Variants in GEMIN5 observed in about 807,000 individuals in gnomAD.
The protein encoded by GEMIN5 is gem-associated protein 5.
A neutral mutation model predicts 176.9 loss-of-function variants in GEMIN5; 124 were observed. The ratio of observed to expected loss-of-function variants is 0.70; its 90% CI spans 0.61 to 0.81. GEMIN5 has a LOEUF of 0.81. Among genes scored for constraint, GEMIN5 ranks in the 40% least tolerant of loss-of-function variants. The probability of loss-of-function intolerance (pLI) is 0.00; values close to 1 mark genes in which losing one functional copy is unlikely to be tolerated. For synonymous variants in GEMIN5, 673 were observed against 665.2 expected (o/e 1.01, Z -0.18); for missense variants, 1,843 against 1,814.6 (o/e 1.02, Z -0.28).
chr5:154,929,443 G>T (rs1428294888), intron 5 of GEMIN5, among the ~76,000 whole-genome samples: 2 of 152,214 alleles, frequency 1.3e-5, no homozygotes, highest in African/African-American at 4.8e-5. Context: ...ACCTCCACCC[G>T]ACATGCTTCT....
chr5:154,902,257 T>C (rs1033893670), intron 20 of GEMIN5, among the ~76,000 whole-genome samples: 1 of 152,234 alleles, frequency 6.6e-6, no homozygotes, highest in African/African-American at 2.4e-5. Flanking sequence ...AGCTGGGGAC[T>C]ACAGACTTGT....
intron 4 of GEMIN5, chr5:154,931,790 G>A (rs1764170948): frequency 3.9e-6 from 2 of 506,800 alleles, no homozygotes; most frequent in African/African-American, 3.8e-5. Context: ...TGAGGCAGGT[G>A]GATCACCTGA....
rs1307247259 is a variant in GEMIN5 at position 154,928,168 on chromosome 5, G to A, written c.914+359C>T. On this transcript the variant is annotated intron_variant, in intron 6 of 27. Transcript: ENST00000285873. ...AGTCAATGAACTTTGTTTACTGAAT[G>A]GGCATAGCCATCCAACCTAAGAGAA... Among the ~76,000 whole-genome samples the A allele has an allele frequency of 3.3e-5, 5 of 152,108 alleles. No individual in the cohort carries two copies. The South Asian group carries it at 8.3e-4, about 25-fold the overall frequency.
rs754372505 is a variant in GEMIN5, at chr5:154,927,500, G to A, written c.965C>T (p.Thr322Ile). 7 of 1,610,354 alleles carry A rather than the reference G, an allele frequency of 4.3e-6. No homozygotes were observed. The Admixed American group carries it at 1.2e-4, about 27-fold the overall frequency. Residue 322 changes from threonine to isoleucine, a missense_variant, in exon 7 of 28, where the codon ACC (threonine) becomes ATC (isoleucine). Transcript: ENST00000285873. ...DLTQSWRRKY[T>I]LFSASSEGQN... Reference sequence around the variant, plus strand: ...CCCTTCTGATGAGGCACTGAAGAGGGTGTATTTCCGTCTCCAAGATTGAGT... The same window carrying A: ...CCCTTCTGATGAGGCACTGAAGAGGATGTATTTCCGTCTCCAAGATTGAGT...
intron 3 of GEMIN5, among the ~76,000 whole-genome samples, chr5:154,934,141 G>C (rs1469421447): frequency 6.6e-6 from 1 of 151,938 alleles, no homozygotes; most frequent in Admixed American, 6.6e-5. Flanking sequence ...TCACCCTCCT[G>C]AGTAGCTGGG....
chr5:154,892,698 C>T (rs1038210812), intron 24 of GEMIN5, 149 bp from the exon 25 acceptor site: 14 of 700,176 alleles, frequency 2.0e-5, no homozygotes, highest in African/African-American at 5.4e-5. Flanking sequence ...CCCATTTTTG[C>T]TTCCCACATC....
intron 15 of GEMIN5, among the ~76,000 whole-genome samples, chr5:154,909,723 A>G (rs147765525): frequency 0.01 from 1,564 of 152,234 alleles, 20 homozygotes; most frequent in African/African-American, 0.034. Flanking sequence ...TCATGCCTAT[A>G]ATCCCAGCAC....
chr5:154,923,947 C>T (rs1000722574), intron 9 of GEMIN5, among the ~76,000 whole-genome samples: 1 of 152,066 alleles, frequency 6.6e-6, no homozygotes, highest in Non-Finnish European at 1.5e-5. Flanking sequence ...CAAAGATGAA[C>T]TGTATATGTA....
At position 154,911,756 on chromosome 5, in the gene GEMIN5, G is replaced by C. The variant is rs780603166; in HGVS notation, c.2138C>G (p.Ser713Cys). Reference protein sequence around the residue: ...DDFCVHKWLTSMQDHSRPPQG... With the variant: ...DDFCVHKWLTCMQDHSRPPQG... Reference sequence around the variant, plus strand: ...AGGAGGCCGGGAATGATCTTGCATGGAAGTGAGCCACTTGTGCACACAAAA... The same window carrying C: ...AGGAGGCCGGGAATGATCTTGCATGCAAGTGAGCCACTTGTGCACACAAAA... Residue 713 changes from serine to cysteine, a missense_variant, in exon 15 of 28, where the codon TCC (serine) becomes TGC (cysteine). By Grantham distance (112) the Ser-to-Cys change is moderately radical. Coordinates refer to ENST00000285873, the MANE Select transcript of GEMIN5 (RefSeq NM_015465.5). The C allele has an allele frequency of 2.5e-6, 4 of 1,613,940 alleles. No individual in the cohort carries two copies. Among genetic ancestry groups the C allele is most frequent in the Non-Finnish European group, 3.4e-6 (4 of 1,179,824 alleles).
In GEMIN5 at chr5:154,919,998, T is replaced by C. The variant is rs368304207; in HGVS notation, c.1568A>G (p.Asn523Ser). 16 of 1,613,676 alleles carry C rather than the reference T, an allele frequency of 9.9e-6. No individual in the cohort carries two copies. In the East Asian group the frequency reaches 1.8e-4, roughly 18 times the overall value. The change falls in exon 11 of 28, where the codon AAC becomes AGC. Residue 523 changes from asparagine to serine, a missense_variant. Coordinates refer to ENST00000285873, the MANE Select transcript of GEMIN5 (RefSeq NM_015465.5). ...TGAATTGGTGTCCCTGATGAGTTTG[T>C]TGATGTCAAAGGCTTCTCCACTAAG... Reference protein sequence around the residue: ...WKLSGEAFDINKLIRDTNSIK... With the variant: ...WKLSGEAFDISKLIRDTNSIK...
chr5:154,911,729 T>A lies in GEMIN5; in HGVS notation c.2165A>T (p.Gln722Leu). ...TSMQDHSRPP[Q>L]GKKSIELEKK... Reference sequence around the variant, plus strand: ...ATAAGCTCTAGGTTCTGACTGACCTTGAGGAGGCCGGGAATGATCTTGCAT... The same window carrying A: ...ATAAGCTCTAGGTTCTGACTGACCTAGAGGAGGCCGGGAATGATCTTGCAT... The change falls in exon 15 of 28, where the codon CAA becomes CTA. Residue 722 changes from glutamine to leucine, a missense_variant and splice_region_variant. Coordinates refer to ENST00000285873, the MANE Select transcript of GEMIN5 (RefSeq NM_015465.5). 1 of 1,612,304 alleles carries A rather than the reference T, an allele frequency of 6.2e-7. No individual in the cohort carries two copies. The highest frequency in any genetic ancestry group is 1.1e-5 in the South Asian group (1 of 90,942).
chr5:154,898,705 T>G, intron 22 of GEMIN5, 55 bp from the exon 23 acceptor site: 1 of 1,336,510 alleles, frequency 7.5e-7, no homozygotes, highest in South Asian at 1.2e-5. Flanking sequence ...TTTATTCCCA[T>G]TCCTAGAGGA....
intron 24 of GEMIN5, among the ~76,000 whole-genome samples, chr5:154,894,640 C>A (rs377477428): frequency 6.6e-5 from 10 of 152,236 alleles, no homozygotes; most frequent in African/African-American, 2.4e-4. Flanking sequence ...GCTGCAGTGG[C>A]TCATGCCTAT....
At chr5:154,913,523 A>AT (rs1763749315) in intron 13 of GEMIN5, among the ~76,000 whole-genome samples, 2 of 152,266 alleles carry the variant, frequency 1.3e-5, no homozygotes, top group South Asian at 4.1e-4. Context: ...GTCACATAAG[A>AT]TTTTAAAAAG....
chr5:154,931,512 C>G lies in GEMIN5; in HGVS notation c.727G>C (p.Ala243Pro). The G allele has an allele frequency of 6.2e-7, 1 of 1,613,052 alleles. No individual in the cohort carries two copies. Among genetic ancestry groups the G allele is most frequent in the Non-Finnish European group, 8.5e-7 (1 of 1,179,062 alleles). The change falls in exon 5 of 28, where the codon GCC (alanine) becomes CCC (proline). Residue 243 changes from alanine to proline, a missense_variant. Transcript: ENST00000285873. ...QAPVTKGCYL[A>P]TGSKDQTIRI... ...ATGGTTTGATCTTTGCTTCCAGTGG[C>G]TAAGTAGCAACCTTTTGTTACTGGA... is the stretch of plus-strand genomic sequence containing the variant.
intron 3 of GEMIN5, among the ~76,000 whole-genome samples, chr5:154,934,641 G>A (rs762575579): frequency 1.4e-4 from 21 of 152,030 alleles, no homozygotes; most frequent in Non-Finnish European, 2.6e-4. Context: ...ATACCCGTAC[G>A]CCCCGTCTCC....
chr5:154,930,047 G>A (rs1764129007), intron 5 of GEMIN5, among the ~76,000 whole-genome samples: 1 of 152,076 alleles, frequency 6.6e-6, no homozygotes, highest in African/African-American at 2.4e-5. Flanking sequence ...TAACTTCCTC[G>A]TAAAAGCAAC....
chr5:154,910,429 G>C (rs1763678440), intron 15 of GEMIN5, among the ~76,000 whole-genome samples: 1 of 152,110 alleles, frequency 6.6e-6, no homozygotes. Flanking sequence ...GGGATTATAG[G>C]AGTGAGCCAG....
At chr5:154,904,922 A>G (rs1028675700) in intron 17 of GEMIN5, among the ~76,000 whole-genome samples, 2 of 152,212 alleles carry the variant, frequency 1.3e-5, no homozygotes, top group African/African-American at 4.8e-5. Context: ...TCTGGGCACA[A>G]TGGCTCACGC....
Sources: gnomAD v4.1 joint callset for allele counts (sites outside exome capture counted in the v4.1 genomes callset) on GRCh38, gnomAD v4.1.1 for gene constraint, MANE v1.5 for transcripts, NCBI Gene and HGNC (gene_info 2026-07-23, HGNC 2026-07-21) for gene names.